LHFPL4: variants seen among roughly 807,000 people sequenced by gnomAD.
LHFPL4 encodes LHFPL tetraspan subfamily member 4 protein.
In LHFPL4, 6 loss-of-function variants were observed where a neutral mutation model predicts 20.0. The observed-to-expected ratio is 0.30, with a 90% CI of 0.16 to 0.59. The LOEUF is 0.59. Ranked by LOEUF, LHFPL4 falls within the 20% of genes least tolerant of loss-of-function variation. The probability of loss-of-function intolerance (pLI) is 0.88; values close to 1 mark genes in which losing one functional copy is unlikely to be tolerated. For synonymous variants in LHFPL4, 129 were observed against 143.8 expected (o/e 0.90, Z 0.74); for missense variants, 215 against 331.2 (o/e 0.65, Z 2.72).
chr3:9,516,572 C>A (rs1258412821), intron 2 of LHFPL4, among the ~76,000 whole-genome samples: 1 of 151,940 alleles, frequency 6.6e-6, no homozygotes, highest in East Asian at 1.9e-4. Context: ...CTCCCAGGTT[C>A]AAGCAGTTCT....
At chr3:9,537,317 C>A (rs1299647151) in intron 2 of LHFPL4, among the ~76,000 whole-genome samples, 3 of 152,160 alleles carry the variant, frequency 2.0e-5, no homozygotes, top group Admixed American at 6.5e-5. Flanking sequence ...CATTCAGTCT[C>A]AACTCGTGGT....
chr3:9,508,997 G>A (rs1443556154), intron 2 of LHFPL4, among the ~76,000 whole-genome samples: 1 of 152,206 alleles, frequency 6.6e-6, no homozygotes, highest in Non-Finnish European at 1.5e-5. Flanking sequence ...TCCTGCAGTA[G>A]TCGGTGGCTC....
intron 2 of LHFPL4, among the ~76,000 whole-genome samples, chr3:9,521,439 C>T (rs2125659857): frequency 6.6e-6 from 1 of 150,910 alleles, no homozygotes; most frequent in South Asian, 2.1e-4. Context: ...TCTCACTCTG[C>T]TGCTGGGGCT....
At chr3:9,523,941 T>C (rs2046356657) in intron 2 of LHFPL4, among the ~76,000 whole-genome samples, 2 of 151,910 alleles carry the variant, frequency 1.3e-5, no homozygotes, top group South Asian at 2.1e-4. Context: ...CCTTCACTTT[T>C]GAAAGATAAT....
At chr3:9,552,195 C>T in intron 2 of LHFPL4, 79 bp downstream of exon 2, 1 of 1,515,370 alleles carries the variant, frequency 6.6e-7, no homozygotes, top group Non-Finnish European at 8.9e-7. Context: ...CTATCCGACT[C>T]CTTCAGGAAG....
intron 2 of LHFPL4, among the ~76,000 whole-genome samples, chr3:9,521,768 A>G (rs2046339360): frequency 6.6e-6 from 1 of 151,970 alleles, no homozygotes; most frequent in Admixed American, 6.6e-5. Context: ...TTTAATCAAT[A>G]TGTGTCTTTA....
At chr3:9,503,271 G>A (rs1320996464) in intron 3 of LHFPL4, among the ~76,000 whole-genome samples, 1 of 152,120 alleles carries the variant, frequency 6.6e-6, no homozygotes, top group Non-Finnish European at 1.5e-5. Context: ...AGTTGTTAGG[G>A]GGCTTTGGGA....
chr3:9,522,241 G>C (rs1483730), intron 2 of LHFPL4, among the ~76,000 whole-genome samples: 1 of 151,162 alleles, frequency 6.6e-6, no homozygotes, highest in Non-Finnish European at 1.5e-5. Flanking sequence ...TGATCTGCCC[G>C]CCTTGGCCTC....
At chr3:9,531,278 T>G (rs1432353328) in intron 2 of LHFPL4, among the ~76,000 whole-genome samples, 1 of 152,136 alleles carries the variant, frequency 6.6e-6, no homozygotes, top group Admixed American at 6.6e-5. Flanking sequence ...GCAGGGAAAA[T>G]AGTTCCGACA....
rs961594356 is a variant in LHFPL4 at position 9,549,739 on chromosome 3, A to G, written c.406+2535T>C. Among the ~76,000 whole-genome samples, 62 of 152,116 alleles carry G rather than the reference A, an allele frequency of 4.1e-4. 1 individual carries two copies. The highest frequency in any genetic ancestry group is 1.5e-3 in the African/African-American group (61 of 41,418). ...GTTAACAGGTACAAAATCATATGAGAGGCACTTTAATTCTTATCTGACAAA... is the reference window on the plus strand; with the variant it reads ...GTTAACAGGTACAAAATCATATGAGGGGCACTTTAATTCTTATCTGACAAA... On this transcript the variant is annotated intron_variant, in intron 2 of 3. Coordinates refer to ENST00000287585, the MANE Select transcript of LHFPL4 (RefSeq NM_198560.3).
chr3:9,545,535 G>A (rs923999440), intron 2 of LHFPL4, among the ~76,000 whole-genome samples: 6 of 152,084 alleles, frequency 3.9e-5, no homozygotes, highest in Non-Finnish European at 7.4e-5. Context: ...AAAGGCCAAG[G>A]TGAGCAGATC....
At chr3:9,534,655 C>T (rs780201548) in intron 2 of LHFPL4, among the ~76,000 whole-genome samples, 2 of 152,186 alleles carry the variant, frequency 1.3e-5, no homozygotes, top group African/African-American at 4.8e-5. Context: ...AATAAATTAC[C>T]GACAGAAACC....
intron 3 of LHFPL4, 118 bp from the exon 4 acceptor site, chr3:9,502,429 C>T (rs1302338844): frequency 2.6e-5 from 19 of 726,686 alleles, no homozygotes; most frequent in Admixed American, 1.0e-4. Context: ...GGGCCGGGCG[C>T]GGTGGCTGAC....
At chr3:9,533,505 G>A (rs1371535424) in intron 2 of LHFPL4, among the ~76,000 whole-genome samples, 9 of 152,176 alleles carry the variant, frequency 5.9e-5, no homozygotes, top group Admixed American at 1.3e-4. Context: ...AAGTCAGGCC[G>A]GGTGCGGTGG....
rs906489079 is a variant in LHFPL4 at position 9,498,375 on chromosome 3, T to C, written c.*3836A>G. The C allele has an allele frequency of 6.6e-6, 1 of 152,574 alleles. No individual in the cohort carries two copies. The highest frequency in any genetic ancestry group is 2.4e-5 in the African/African-American group (1 of 41,398). The allele number at this position is 152,574 out of a possible 1,614,324, so 9.5% of individuals were successfully genotyped here. On this transcript the variant is annotated 3_prime_UTR_variant, in exon 4 of 4. Coordinates refer to ENST00000287585, the MANE Select transcript of LHFPL4 (RefSeq NM_198560.3). ...GGCAGCCAGCGTGGGTGATAGAAAG[T>C]GTTTCTTTATTTGAATGTCATTCCA...
intron 2 of LHFPL4, among the ~76,000 whole-genome samples, chr3:9,531,757 G>T (rs563430888): frequency 2.1e-4 from 32 of 151,784 alleles, no homozygotes; most frequent in Non-Finnish European, 4.6e-4. Flanking sequence ...GCCAAGATGG[G>T]CCACTGCACT....
intron 2 of LHFPL4, 51 bp downstream of exon 2, chr3:9,552,223 A>G (rs772087810): frequency 6.5e-7 from 1 of 1,539,324 alleles, no homozygotes; most frequent in Non-Finnish European, 8.8e-7. Context: ...GGCAGGAAGG[A>G]GCCCCGTCCC....
At chr3:9,548,659 C>T (rs28399326) in intron 2 of LHFPL4, among the ~76,000 whole-genome samples, 24,535 of 152,172 alleles carry the variant, frequency 0.16, 2,026 homozygotes, top group Middle Eastern at 0.19. Flanking sequence ...CTTCTGTTGG[C>T]GCTTGTCTTG....
At chr3:9,527,059 G>A (rs2046380031) in intron 2 of LHFPL4, among the ~76,000 whole-genome samples, 1 of 152,052 alleles carries the variant, frequency 6.6e-6, no homozygotes, top group Admixed American at 6.6e-5. Flanking sequence ...GGAAAGGGAA[G>A]GGAGAAAGAA....
Sources: gnomAD v4.1 joint callset for allele counts (sites outside exome capture counted in the v4.1 genomes callset) on GRCh38, gnomAD v4.1.1 for gene constraint, MANE v1.5 for transcripts, NCBI Gene and HGNC (gene_info 2026-07-23, HGNC 2026-07-21) for gene names.